CASP6: variants seen among roughly 807,000 people sequenced by gnomAD.
The protein encoded by CASP6 is caspase 6, also known as caspase-6.
In CASP6, 20 loss-of-function variants were observed where a neutral mutation model predicts 31.8. The observed-to-expected ratio is 0.63, with a 90% CI of 0.44 to 0.91. CASP6 has a LOEUF of 0.91. Among genes scored for constraint, CASP6 ranks in the 40% least tolerant of loss-of-function variants. CASP6 has a pLI of 0.00. For synonymous variants in CASP6, 130 were observed against 127.8 expected (o/e 1.02, Z -0.12); for missense variants, 328 against 361.1 (o/e 0.91, Z 0.74).
chr4:109,690,932 G>A lies in CASP6; in HGVS notation c.561C>T (p.Thr187=), dbSNP rs202161791. ...AGGCTGCATCCACCTCAGTTATGTT[G>A]GTGTCCAACTTCTCTGTCTGATTAT... ...VVDNQTEKLD[T]NITEVDAASV... is the part of the protein sequence containing the mutation. The change falls in exon 6 of 7, where the codon ACC becomes ACT. Residue 187 remains threonine (T), a synonymous_variant. Transcript: ENST00000265164. 6.2e-7 allele frequency: 1 copy of A among 1,613,698 alleles called. No individual in the cohort carries two copies. The highest frequency in any genetic ancestry group is 2.2e-5 in the East Asian group (1 of 44,798).
At chr4:109,707,566 A>G (rs1173733936), upstream of CASP6, among the ~76,000 whole-genome samples, 1 of 151,876 alleles carries the variant, frequency 6.6e-6, no homozygotes. Flanking sequence ...TTGTATTTTT[A>G]GTAGAGATGG....
the CASP6 span, among the ~76,000 whole-genome samples, chr4:109,709,397 C>T: frequency 2.0e-3 from 312 of 152,290 alleles, 1 homozygote; most frequent in Non-Finnish European, 3.3e-3. Context: ...ATTCCCACAG[C>T]AAATCCATTA....
the CASP6 span, among the ~76,000 whole-genome samples, chr4:109,672,774 C>T: frequency 2.6e-5 from 4 of 152,144 alleles, no homozygotes; most frequent in Non-Finnish European, 5.9e-5. Context: ...CTCCAGCTAA[C>T]CATTATCTGG....
intron 5 of CASP6, 69 bp from the exon 6 acceptor site, chr4:109,691,078 T>C (rs1182448706): frequency 4.0e-6 from 6 of 1,504,534 alleles, no homozygotes; most frequent in Non-Finnish European, 5.4e-6. Context: ...ATGTGTGCAG[T>C]GAATGTGTAA....
At chr4:109,677,766 T>A in the CASP6 span, among the ~76,000 whole-genome samples, 1,599 of 148,956 alleles carry the variant, frequency 0.011, 31 homozygotes, top group African/African-American at 0.037. Flanking sequence ...TTTCCCAGCC[T>A]CCACTAACAA....
chr4:109,671,972 A>G, the CASP6 span, among the ~76,000 whole-genome samples: 1 of 152,084 alleles, frequency 6.6e-6, no homozygotes, highest in Admixed American at 6.6e-5. Context: ...GGGTTTCCCT[A>G]TAAATTCTTT....
At chr4:109,665,678 G>A in the CASP6 span, among the ~76,000 whole-genome samples, 91,904 of 152,002 alleles carry the variant, frequency 0.6, 28,140 homozygotes, top group South Asian at 0.68. Flanking sequence ...TGTTGTTGTT[G>A]TATTGTTAAT....
At chr4:109,705,605 G>A (rs1376135115), upstream of CASP6, among the ~76,000 whole-genome samples, 2 of 152,086 alleles carry the variant, frequency 1.3e-5, no homozygotes, top group Admixed American at 1.3e-4. Flanking sequence ...AAGAACATTT[G>A]TGATTCATGG....
Position 109,690,068 on chromosome 4 carries a change from C to T in CASP6, c.644-500G>A, listed in dbSNP as rs374875421. Among the ~76,000 whole-genome samples, 162 of 151,662 alleles carry T rather than the reference C, an allele frequency of 1.1e-3. 1 individual carries two copies. Among genetic ancestry groups the T allele is most frequent in the South Asian group, 8.4e-3 (40 of 4,772 alleles). Reference sequence around the variant, plus strand: ...GGCGTGGTGGCAGGCACCTGTATTCCCAGCTACTCGGGAGGCTGAGGTAGG... The same window carrying T: ...GGCGTGGTGGCAGGCACCTGTATTCTCAGCTACTCGGGAGGCTGAGGTAGG... On this transcript the variant is annotated intron_variant, in intron 6 of 6. Coordinates refer to ENST00000265164, the MANE Select transcript of CASP6 (RefSeq NM_001226.4).
At chr4:109,684,284 G>T (rs558553594), downstream of CASP6, among the ~76,000 whole-genome samples, 1 of 151,984 alleles carries the variant, frequency 6.6e-6, no homozygotes, top group Non-Finnish European at 1.5e-5. Context: ...GGATGGTCTC[G>T]ATCTCCTGAC....
At chr4:109,693,542 C>T (rs979721586) in intron 5 of CASP6, among the ~76,000 whole-genome samples, 1 of 151,872 alleles carries the variant, frequency 6.6e-6, no homozygotes, top group Non-Finnish European at 1.5e-5. Context: ...CAAAAATTAG[C>T]CAGCCATGAT....
downstream of CASP6, among the ~76,000 whole-genome samples, chr4:109,687,281 C>T (rs925139495): frequency 7.2e-5 from 11 of 152,104 alleles, no homozygotes; most frequent in African/African-American, 2.4e-4. Context: ...ATGACTTGCA[C>T]CAGGGAGGCA....
At chr4:109,708,994 T>A in the CASP6 span, among the ~76,000 whole-genome samples, 1 of 152,192 alleles carries the variant, frequency 6.6e-6, no homozygotes, top group Admixed American at 6.5e-5. Context: ...ATGTGACAGG[T>A]AATGCAACTT....
chr4:109,683,731 C>A (rs922465164), downstream of CASP6, among the ~76,000 whole-genome samples: 1 of 152,138 alleles, frequency 6.6e-6, no homozygotes, highest in Non-Finnish European at 1.5e-5. Context: ...CATATGGATT[C>A]TTTTAGGACT....
downstream of CASP6, chr4:109,687,575 C>T: frequency 6.2e-7 from 1 of 1,608,146 alleles, no homozygotes; most frequent in Non-Finnish European, 8.5e-7. Context: ...AGTAGAAGAA[C>T]TCAATGAAAA....
At chr4:109,691,767 C>T (rs183496203) in intron 5 of CASP6, among the ~76,000 whole-genome samples, 14 of 152,216 alleles carry the variant, frequency 9.2e-5, no homozygotes, top group East Asian at 1.9e-4. Flanking sequence ...TGAGGTCATA[C>T]GGGTGAAACC....
Position 109,694,716 on chromosome 4 carries a change from AAG to A in CASP6, c.308-18_308-17del, listed in dbSNP as rs773773918. 100 of 1,515,444 alleles carry A rather than the reference AAG, an allele frequency of 6.6e-5. No homozygotes were observed. The highest frequency in any genetic ancestry group is 8.5e-5 in the Non-Finnish European group (96 of 1,132,776). The allele number at this position is 1,515,444 out of a possible 1,614,324, so 93.9% of individuals were successfully genotyped here. ...ACAGTTGACACTATAAAGGACCCAAAAGAGAATATAGAAATGAAAATATGATG... is the reference window on the plus strand; with the variant it reads ...ACAGTTGACACTATAAAGGACCCAAAAGAATATAGAAATGAAAATATGATG... On this transcript the variant is annotated splice_polypyrimidine_tract_variant and intron_variant, in intron 4 of 6. Transcript: ENST00000265164.
At chr4:109,692,956 C>T (rs1251703274) in intron 5 of CASP6, among the ~76,000 whole-genome samples, 1 of 152,142 alleles carries the variant, frequency 6.6e-6, no homozygotes, top group East Asian at 1.9e-4. Flanking sequence ...AATGTGGTTC[C>T]CAGTGTGGGA....
Position 109,689,436 on chromosome 4 carries a change from C to T in CASP6, c.776G>A (p.Arg259His), listed in dbSNP as rs765750484. The T allele has an allele frequency of 3.1e-5, 50 of 1,614,066 alleles. No homozygotes were observed. The East Asian group carries it at 4.2e-4, about 14-fold the overall frequency. ...LTLVNRKVSQRRVDFCKDPSA... is the reference protein window; with the variant it reads ...LTLVNRKVSQHRVDFCKDPSA... ...TGGGTCTTTGCAAAAGTCCACTCGG[C>T]GCTGAGAAACTTTCCTGTTCACCAG... Residue 259 changes from arginine (R) to histidine (H), a missense_variant, in exon 7 of 7, where the codon CGC (arginine) becomes CAC (histidine). Arg to His is a conservative substitution (Grantham distance 29). Transcript: ENST00000265164.
Sources: allele counts gnomAD v4.1 joint callset (sites outside exome capture counted in the v4.1 genomes callset), GRCh38; gene constraint gnomAD v4.1.1; transcripts MANE v1.5; gene names NCBI Gene and HGNC (gene_info 2026-07-23, HGNC 2026-07-21).